Variants in PECR observed in about 807,000 individuals in gnomAD.
PECR encodes 2,4-dienoyl-CoA reductase-related protein.
In PECR, 30 loss-of-function variants were observed where a neutral mutation model predicts 35.3. The observed-to-expected ratio is 0.85, with a 90% CI of 0.64 to 1.15. The LOEUF is 1.15. Among genes scored for constraint, PECR ranks in the 50% most tolerant of loss-of-function variants. The probability of loss-of-function intolerance (pLI) is 0.00; values close to 1 mark genes in which losing one functional copy is unlikely to be tolerated. For synonymous variants in PECR, 148 were observed against 138.9 expected, an observed-to-expected ratio of 1.07 and a Z score of -0.46; for missense variants, 392 against 370.8, an observed-to-expected ratio of 1.06 and a Z score of -0.47.
intron 4 of PECR, among the ~76,000 whole-genome samples, chr2:216,055,971 G>A (rs533328835): frequency 2.6e-5 from 4 of 152,098 alleles, no homozygotes; most frequent in Admixed American, 6.5e-5. Context: ...CACCAAACTC[G>A]AGTTCACCTT....
At chr2:216,049,578 T>C (rs1695064809) in intron 5 of PECR, among the ~76,000 whole-genome samples, 2 of 152,220 alleles carry the variant, frequency 1.3e-5, no homozygotes, top group Admixed American at 6.5e-5. Flanking sequence ...AATAGTTATT[T>C]TGTGACCTCC....
rs201319769 is a variant in PECR, at chr2:216,065,443, A to C, written c.293T>G (p.Phe98Cys). The C allele has an allele frequency of 1.8e-4, 287 of 1,607,888 alleles. 3 individuals are homozygous for C. The East Asian group carries it at 6.3e-3, about 35-fold the overall frequency. Reference sequence around the variant, plus strand: ...GTTCACCAAGAAATTGATCTTACCAAAAGTATCTAAGGTAGATTTGACCAA... The same window carrying C: ...GTTCACCAAGAAATTGATCTTACCACAAGTATCTAAGGTAGATTTGACCAA... The part of the protein sequence containing the change: ...NNLVKSTLDT[F>C]GKINFLVNNG... The change falls in exon 3 of 8, where the codon TTT (phenylalanine) becomes TGT (cysteine). Residue 98 changes from phenylalanine to cysteine, a missense_variant. Physicochemically the swap from Phe to Cys is radical, Grantham distance 205. Transcript: ENST00000265322.
chr2:216,066,284 T>C, intron 2 of PECR, 101 bp downstream of exon 2: 1 of 993,280 alleles, frequency 1.0e-6, no homozygotes, highest in East Asian at 2.4e-5. Flanking sequence ...GAGCCTCATC[T>C]AAGACAGCTA....
intron 1 of PECR, among the ~76,000 whole-genome samples, chr2:216,077,337 C>A (rs2105970966): frequency 6.8e-6 from 1 of 146,422 alleles, no homozygotes; most frequent in Admixed American, 6.9e-5. Context: ...AAACCCCCGT[C>A]TCTACTAAAA....
At chr2:216,080,744 CAT>C (rs1283706640) in intron 1 of PECR, among the ~76,000 whole-genome samples, 1 of 152,138 alleles carries the variant, frequency 6.6e-6, no homozygotes, top group Non-Finnish European at 1.5e-5. Context: ...ATTATTTTTT[CAT>C]ATGTTTCTTG....
intron 6 of PECR, among the ~76,000 whole-genome samples, chr2:216,046,310 A>ATATATATATATATT (rs1553560626): frequency 1.8e-4 from 17 of 96,958 alleles, no homozygotes; most frequent in African/African-American, 7.9e-4. Context: ...ATATATATAT[A>ATATATATATATATT]TTTTTTTTTT....
At chr2:216,046,281 TATATATACATAC>T (rs1394757917) in intron 6 of PECR, among the ~76,000 whole-genome samples, 2 of 122,890 alleles carry the variant, frequency 1.6e-5, no homozygotes, top group African/African-American at 7.3e-5. Flanking sequence ...ATAAAGTATA[TATATATACATAC>T]ATATATATAT....
At chr2:216,074,504 G>T (rs997420157) in intron 1 of PECR, among the ~76,000 whole-genome samples, 1 of 98,984 alleles carries the variant, frequency 1.0e-5, no homozygotes, top group Non-Finnish European at 1.9e-5. Flanking sequence ...AAGGAAGGAA[G>T]GAAGGAAGGA....
chr2:216,060,237 C>G (rs1482064641), intron 3 of PECR, among the ~76,000 whole-genome samples: 1 of 152,144 alleles, frequency 6.6e-6, no homozygotes, highest in African/African-American at 2.4e-5. Flanking sequence ...AATTATTCTA[C>G]ACACACCTTC....
At chr2:216,060,657 A>G (rs1248888848) in intron 3 of PECR, among the ~76,000 whole-genome samples, 3 of 151,932 alleles carry the variant, frequency 2.0e-5, no homozygotes, top group Middle Eastern at 3.2e-3. Flanking sequence ...ACAGAGCAAG[A>G]CTCTCTCTCC....
chr2:216,081,185 A>C (rs914432810), intron 1 of PECR, among the ~76,000 whole-genome samples: 2 of 152,206 alleles, frequency 1.3e-5, no homozygotes, highest in Admixed American at 6.5e-5. Flanking sequence ...AATATTCAGC[A>C]TATTTCCTTG....
At position 216,058,967 on chromosome 2, in the gene PECR, G is replaced by A. The variant is rs1312852967; in HGVS notation, c.434C>T (p.Ser145Phe). 2 of 1,605,686 alleles carry A rather than the reference G, an allele frequency of 1.2e-6. No individual in the cohort carries two copies. The highest frequency in any genetic ancestry group is 2.2e-5 in the South Asian group (2 of 90,768). The change falls in exon 4 of 8, where the codon TCC becomes TTC. Residue 145 changes from serine (S) to phenylalanine (F), a missense_variant. Ser to Phe is a radical substitution (Grantham distance 155). Transcript: ENST00000265322. ...TFYMCKAVYS[S>F]WMKEHGGSIV... is the part of the protein sequence containing the mutation. ...AGATCCTCCATGCTCTTTCATCCAG[G>A]AGCTGTAAACTGCAGGATAGAGGCA...
intron 1 of PECR, among the ~76,000 whole-genome samples, chr2:216,070,284 TATC>T (rs1695563171): frequency 1.3e-5 from 2 of 152,236 alleles, no homozygotes; most frequent in Admixed American, 6.5e-5. Context: ...TATCACCTCT[TATC>T]ATTTCTTTGA....
chr2:216,066,369 G>T lies in PECR; in HGVS notation c.258+16C>A. 1.2e-6 allele frequency: 2 copies of T among 1,603,842 alleles called. No homozygotes were observed. Among genetic ancestry groups the T allele is most frequent in the Non-Finnish European group, 1.7e-6 (2 of 1,170,634 alleles). On this transcript the variant is annotated intron_variant, in intron 2 of 7. Coordinates refer to ENST00000265322, the MANE Select transcript of PECR (RefSeq NM_018441.6). ...TTACAATGAATGAATAAATGATACA[G>T]ATATATCTCCATTACCTCCTCCTCA...
intron 5 of PECR, chr2:216,050,899 TAAA>T (rs34775320): frequency 1.5e-4 from 15 of 102,382 alleles, no homozygotes; most frequent in Non-Finnish European, 2.7e-4. Flanking sequence ...AGACTCCTTC[TAAA>T]AAAAAAAAAA....
Position 216,038,771 on chromosome 2 carries a change from C to T in PECR, c.*504G>A, listed in dbSNP as rs116003069. The T allele has an allele frequency of 9.1e-3, 1,535 of 169,310 alleles. 23 individuals carry two copies. Among genetic ancestry groups the T allele is most frequent in the African/African-American group, 0.035 (1,468 of 41,540 alleles). The allele number at this position is 169,310 out of a possible 1,614,324, so 10.5% of individuals were successfully genotyped here. On this transcript the variant is annotated 3_prime_UTR_variant, in exon 8 of 8. Coordinates refer to ENST00000265322, the MANE Select transcript of PECR (RefSeq NM_018441.6). Reference sequence around the variant, plus strand: ...GACTACAGGTGTGTGCCACCACACCCGACTAATTTGTGTTTTTGTTTTTGT... The same window carrying T: ...GACTACAGGTGTGTGCCACCACACCTGACTAATTTGTGTTTTTGTTTTTGT...
intron 4 of PECR, among the ~76,000 whole-genome samples, chr2:216,054,371 CTT>C (rs34214360): frequency 0.042 from 4,368 of 102,814 alleles, 60 homozygotes; most frequent in Non-Finnish European, 0.052. Flanking sequence ...TTTTTTCTTT[CTT>C]TTTTTTTTTT....
intron 3 of PECR, among the ~76,000 whole-genome samples, chr2:216,059,665 G>A (rs565723379): frequency 3.9e-5 from 6 of 152,188 alleles, no homozygotes; most frequent in South Asian, 2.1e-4. Context: ...GTTTCTACAC[G>A]CCACTGCTGT....
rs574808828 is a variant in PECR, at chr2:216,041,946, G to A, written c.826+1958C>T. On this transcript the variant is annotated intron_variant, in intron 7 of 7. Coordinates refer to ENST00000265322, the MANE Select transcript of PECR (RefSeq NM_018441.6). ...CATGCCTTGCCCTGTGCACCCCTTC[G>A]GCTGTATCTCCTGTAATATCCTTTA... Among the ~76,000 whole-genome samples the A allele has an allele frequency of 5.9e-5, 9 of 152,298 alleles. No individual in the cohort carries two copies. In the East Asian group the frequency reaches 1.3e-3, roughly 23 times the overall value.
Sources: allele counts gnomAD v4.1 joint callset (sites outside exome capture counted in the v4.1 genomes callset), GRCh38; gene constraint gnomAD v4.1.1; transcripts MANE v1.5; gene names NCBI Gene and HGNC (gene_info 2026-07-23, HGNC 2026-07-21).